The following CDYL variants were observed in gnomAD, a reference collection of about 807,000 sequenced individuals.
CDYL encodes the protein chromodomain Y-like protein.
In CDYL, 8 loss-of-function variants were observed where a neutral mutation model predicts 47.3. The ratio of observed to expected loss-of-function variants is 0.17; its 90% CI spans 0.10 to 0.31. The LOEUF is 0.31. Among genes scored for constraint, CDYL ranks in the 10% least tolerant of loss-of-function variants. The probability of loss-of-function intolerance (pLI) is 1.00; values close to 1 mark genes in which losing one functional copy is unlikely to be tolerated. For missense variants in CDYL, 471 were observed against 701.4 expected (o/e 0.67, Z 3.71); for synonymous variants, 266 against 265.0 (o/e 1.00, Z -0.04).
intron 2 of CDYL, among the ~76,000 whole-genome samples, chr6:4,726,422 C>T (rs1471458328): frequency 1.3e-5 from 2 of 151,610 alleles, no homozygotes; most frequent in Non-Finnish European, 2.9e-5. Context: ...ATCCCAGCTA[C>T]TCAGGAGGCT....
At chr6:4,878,493 C>T (rs1761677188) in intron 1 of CDYL, among the ~76,000 whole-genome samples, 1 of 151,616 alleles carries the variant, frequency 6.6e-6, no homozygotes. Flanking sequence ...TATATTCATA[C>T]TTCTGTTTCA....
chr6:4,769,965 TTGTGTGTGTGTGTGTG>T (rs58041362), intron 3 of CDYL, among the ~76,000 whole-genome samples: 18 of 137,904 alleles, frequency 1.3e-4, no homozygotes, highest in South Asian at 2.4e-4. Context: ...CCCGGCTAAT[TTGTGTGTGTGTGTGTG>T]TGTGTGTGTG....
At chr6:4,721,321 T>G (rs551537625) in intron 2 of CDYL, among the ~76,000 whole-genome samples, 3 of 152,302 alleles carry the variant, frequency 2.0e-5, no homozygotes, top group Admixed American at 1.3e-4. Flanking sequence ...ATCTTTCCAA[T>G]TTTACCCTGT....
At chr6:4,947,025 A>C (rs987457831) in intron 5 of CDYL, among the ~76,000 whole-genome samples, 3 of 152,146 alleles carry the variant, frequency 2.0e-5, no homozygotes, top group Non-Finnish European at 4.4e-5. Context: ...CACGTCAGTG[A>C]ATCTCCTGTC....
intron 2 of CDYL, among the ~76,000 whole-genome samples, chr6:4,904,807 A>T (rs1041800840): frequency 2.0e-5 from 3 of 152,148 alleles, no homozygotes; most frequent in African/African-American, 7.2e-5. Context: ...GCCTCATCGT[A>T]CAGCTACAGG....
intron 1 of CDYL, among the ~76,000 whole-genome samples, chr6:4,822,621 T>C (rs919782994): frequency 5.3e-5 from 8 of 152,188 alleles, no homozygotes; most frequent in Admixed American, 5.2e-4. Context: ...CTGGAATCTA[T>C]CTGAATGTGT....
At chr6:4,852,373 CCTTCCTTCCTAT>C (rs1760858759) in intron 1 of CDYL, among the ~76,000 whole-genome samples, 3 of 142,372 alleles carry the variant, frequency 2.1e-5, no homozygotes, top group African/African-American at 8.2e-5. Flanking sequence ...CTTCCTTCCT[CCTTCCTTCCTAT>C]CTTCCTTCCT....
chr6:4,889,118 A>G (rs1188951215), intron 1 of CDYL, among the ~76,000 whole-genome samples: 1 of 152,136 alleles, frequency 6.6e-6, no homozygotes, highest in Non-Finnish European at 1.5e-5. Flanking sequence ...TAATTAATGG[A>G]GCAGTTTGCC....
At position 4,892,559 on chromosome 6, in the gene CDYL, G is replaced by GCAAATAGTTTTTTCTGTGTAATTCGC. The variant is rs572978406; in HGVS notation, c.691+183_691+184insATAGTTTTTTCTGTGTAATTCGCCAA. ...AGCCTTTGATATTTCTCTTAATTCG[G>GCAAATAGTTTTTTCTGTGTAATTCGC]CAACTAGTTTTTTCTGTGTAATTCG... On this transcript the variant is annotated intron_variant, in intron 2 of 6. Coordinates refer to ENST00000397588, the MANE Select transcript of CDYL (RefSeq NM_004824.4). Among the ~76,000 whole-genome samples, 1,068 of 152,216 alleles carry GCAAATAGTTTTTTCTGTGTAATTCGC rather than the reference G, an allele frequency of 7.0e-3. 17 individuals are homozygous for GCAAATAGTTTTTTCTGTGTAATTCGC. Among genetic ancestry groups the GCAAATAGTTTTTTCTGTGTAATTCGC allele is most frequent in the African/African-American group, 0.025 (1,020 of 41,514 alleles).
At chr6:4,715,781 G>A (rs1457218389) in exon 2 of CDYL, 2 of 1,613,900 alleles carry the variant, frequency 1.2e-6, no homozygotes, top group Non-Finnish European at 1.7e-6. Flanking sequence ...AGAATTTTAT[G>A]ACATTTCAGG....
chr6:4,708,076 C>T (rs1471358528), intron 1 of CDYL, among the ~76,000 whole-genome samples: 1 of 151,990 alleles, frequency 6.6e-6, no homozygotes, highest in Non-Finnish European at 1.5e-5. Context: ...TCCTTTATGG[C>T]CTAATATGTG....
chr6:4,781,418 T>G (rs1372043203), intron 1 of CDYL, among the ~76,000 whole-genome samples: 1 of 152,208 alleles, frequency 6.6e-6, no homozygotes, highest in Admixed American at 6.5e-5. Context: ...CTGAAAAGAT[T>G]GGAATCACCA....
chr6:4,867,679 A>G (rs939128487), intron 1 of CDYL, among the ~76,000 whole-genome samples: 1 of 151,884 alleles, frequency 6.6e-6, no homozygotes, highest in African/African-American at 2.4e-5. Flanking sequence ...CTGCCTGGTC[A>G]TGATGCACAA....
At chr6:4,794,935 A>C (rs1759028120) in intron 1 of CDYL, among the ~76,000 whole-genome samples, 2 of 152,044 alleles carry the variant, frequency 1.3e-5, no homozygotes, top group Admixed American at 1.3e-4. Flanking sequence ...ATATGTAGAC[A>C]ATTATATCTT....
At chr6:4,943,406 T>C (rs1758418774) in intron 4 of CDYL, 140 bp from the exon 5 acceptor site, 2 of 642,286 alleles carry the variant, frequency 3.1e-6, no homozygotes, top group Admixed American at 2.9e-5. Flanking sequence ...CCACAACTGC[T>C]GGGGAAGGCC....
intron 3 of CDYL, among the ~76,000 whole-genome samples, chr6:4,765,603 G>A (rs548304158): frequency 1.1e-4 from 17 of 149,788 alleles, no homozygotes; most frequent in Middle Eastern, 6.9e-3. Context: ...TTGCTCTGTC[G>A]CGCAGGCTGG....
intron 2 of CDYL, among the ~76,000 whole-genome samples, chr6:4,921,036 C>A (rs1279069942): frequency 6.6e-6 from 1 of 151,600 alleles, no homozygotes; most frequent in African/African-American, 2.4e-5. Flanking sequence ...CTTAGTAATT[C>A]CATCAGCATG....
intron 1 of CDYL, among the ~76,000 whole-genome samples, chr6:4,800,696 A>C (rs992949623): frequency 3.9e-5 from 6 of 152,178 alleles, no homozygotes; most frequent in Non-Finnish European, 7.4e-5. Flanking sequence ...GAATACTAGA[A>C]TTCTTGGTTG....
intron 1 of CDYL, among the ~76,000 whole-genome samples, chr6:4,860,673 AG>A: frequency 6.7e-6 from 1 of 149,600 alleles, no homozygotes; most frequent in Middle Eastern, 3.6e-3. Context: ...GAGTTTATTA[AG>A]TATTAACTTA....
Sources: gnomAD v4.1 joint callset for allele counts (sites outside exome capture counted in the v4.1 genomes callset) on GRCh38, gnomAD v4.1.1 for gene constraint, MANE v1.5 for transcripts, NCBI Gene and HGNC (gene_info 2026-07-23, HGNC 2026-07-21) for gene names.